Variants in ETV1 observed in about 807,000 individuals in gnomAD.
ETV1 encodes ETS translocation variant 1.
In ETV1, 27 loss-of-function variants were observed where a neutral mutation model predicts 62.3. The observed-to-expected ratio is 0.43, with a 90% CI of 0.32 to 0.60. The LOEUF is 0.60. ETV1 is among the 20% of genes least tolerant of loss of function. The pLI is 0.06. For synonymous variants in ETV1, 222 were observed against 199.6 expected, an observed-to-expected ratio of 1.11 and a Z score of -0.94; for missense variants, 605 against 605.8, an observed-to-expected ratio of 1.00 and a Z score of 0.01.
chr7:13,984,214 T>C (rs1158538160), intron 5 of ETV1, among the ~76,000 whole-genome samples: 4 of 151,982 alleles, frequency 2.6e-5, no homozygotes, highest in African/African-American at 9.7e-5. Flanking sequence ...ATGATCTTTT[T>C]TAAAAGGGTC....
chr7:13,962,709 G>A (rs1790334143), intron 6 of ETV1, among the ~76,000 whole-genome samples: 1 of 152,026 alleles, frequency 6.6e-6, no homozygotes, highest in South Asian at 2.1e-4. Flanking sequence ...CAAAGCACAA[G>A]CATAAAGATT....
chr7:13,896,756 G>GA (rs1781859890), intron 13 of ETV1, among the ~76,000 whole-genome samples: 1 of 115,472 alleles, frequency 8.7e-6, no homozygotes, highest in South Asian at 2.6e-4. Flanking sequence ...AAGAAAGAAA[G>GA]AAAGAAAGAA....
At chr7:13,986,546 T>G in intron 5 of ETV1, 92 bp downstream of exon 5, 1 of 1,583,818 alleles carries the variant, frequency 6.3e-7, no homozygotes, top group Non-Finnish European at 8.6e-7. Context: ...GCTCAATTAA[T>G]TGGGCTGAAT....
At chr7:13,957,352 C>T (rs1789606818) in intron 6 of ETV1, among the ~76,000 whole-genome samples, 1 of 152,136 alleles carries the variant, frequency 6.6e-6, no homozygotes, top group Non-Finnish European at 1.5e-5. Context: ...TCCCAAAGTG[C>T]TGGGATTACA....
chr7:13,906,356 A>T, intron 12 of ETV1, 74 bp downstream of exon 12: 1 of 973,016 alleles, frequency 1.0e-6, no homozygotes, highest in Non-Finnish European at 1.4e-6. Context: ...CATTTTTGGT[A>T]TATTAATCAA....
At chr7:13,913,878 C>CTTTTTTTT (rs544899107) in intron 9 of ETV1, among the ~76,000 whole-genome samples, 2 of 87,988 alleles carry the variant, frequency 2.3e-5, no homozygotes, top group Admixed American at 1.5e-4. Context: ...GGGGGTACCT[C>CTTTTTTTT]TTTTTTTTTT....
chr7:13,979,389 C>T lies in ETV1; in HGVS notation c.182-1909G>A, dbSNP rs545147507. Among the ~76,000 whole-genome samples, 8 of 152,088 alleles carry T rather than the reference C, an allele frequency of 5.3e-5. No individual in the cohort carries two copies. The South Asian group carries it at 1.7e-3, about 31-fold the overall frequency. ...CTTCTAATGAAGTCTACTAGAGAGG[C>T]AACGAAACAGCTAAAATCTGTACAT... On this transcript the variant is annotated intron_variant, in intron 5 of 13. Coordinates refer to ENST00000430479, the MANE Select transcript of ETV1 (RefSeq NM_004956.5).
At chr7:13,988,228 ACGCACACGCGCGCG>A in intron 3 of ETV1, 55 bp from the exon 4 acceptor site, 1 of 1,077,716 alleles carries the variant, frequency 9.3e-7, no homozygotes, top group Non-Finnish European at 1.4e-6. Flanking sequence ...GATCACACAC[ACGCACACGCGCGCG>A]CACACACACA....
chr7:13,895,874 C>G lies in ETV1; in HGVS notation c.1426G>C (p.Val476Leu), dbSNP rs767552829. The G allele has an allele frequency of 6.2e-7, 1 of 1,612,780 alleles. No individual in the cohort carries two copies. The highest frequency in any genetic ancestry group is 8.5e-7 in the Non-Finnish European group (1 of 1,179,410). ...CTTGACTGTCACTTGTGTTAATACA[C>G]GTAGCCTTCGTTGTAGGGGTGGGGG... ...CNPHPYNEGY[V>L]Y The change falls in exon 14 of 14, where the codon GTG (valine) becomes CTG (leucine). Residue 476 changes from valine (V) to leucine (L), a missense_variant. Physicochemically the swap from Val to Leu is conservative, Grantham distance 32 (BLOSUM62 1). This residue lies in a region of ETV1 where 79 missense variants were observed against 71.6 expected (regional missense o/e 1.10). Transcript: ENST00000430479.
At chr7:13,902,850 A>G (rs1452329364) in intron 12 of ETV1, among the ~76,000 whole-genome samples, 1 of 152,224 alleles carries the variant, frequency 6.6e-6, no homozygotes, top group East Asian at 1.9e-4. Context: ...AGAGTTTGAT[A>G]CTTATCATGC....
At chr7:13,909,271 C>G (rs1166552027) in intron 11 of ETV1, among the ~76,000 whole-genome samples, 2 of 152,078 alleles carry the variant, frequency 1.3e-5, no homozygotes, top group African/African-American at 4.8e-5. Context: ...TCCACAGCAG[C>G]ACGTTTTCTG....
intron 6 of ETV1, among the ~76,000 whole-genome samples, chr7:13,948,194 A>G (rs1306298912): frequency 6.6e-6 from 1 of 152,180 alleles, no homozygotes; most frequent in East Asian, 1.9e-4. Context: ...CTGATAACCA[A>G]AATGTCACAA....
chr7:13,953,358 C>T (rs770313329), intron 6 of ETV1, among the ~76,000 whole-genome samples: 3 of 152,138 alleles, frequency 2.0e-5, no homozygotes, highest in Non-Finnish European at 4.4e-5. Flanking sequence ...GAAATTGTCC[C>T]ACTTTGCTGT....
intron 6 of ETV1, among the ~76,000 whole-genome samples, chr7:13,966,012 A>G (rs1790737513): frequency 6.6e-6 from 1 of 152,214 alleles, no homozygotes; most frequent in Non-Finnish European, 1.5e-5. Flanking sequence ...AGCCAATGAA[A>G]ATAGGATTAA....
chr7:13,978,177 A>C (rs541686289), intron 5 of ETV1, among the ~76,000 whole-genome samples: 111 of 152,302 alleles, frequency 7.3e-4, no homozygotes, highest in African/African-American at 2.6e-3. Context: ...TAACAAAAAG[A>C]ATATCACTAG....
chr7:13,966,593 G>A (rs1482345665), intron 6 of ETV1, among the ~76,000 whole-genome samples: 2 of 152,130 alleles, frequency 1.3e-5, no homozygotes, highest in Admixed American at 6.6e-5. Flanking sequence ...GCTGCAGTGA[G>A]CTGAGATCAT....
At chr7:13,968,045 C>T (rs60925760) in intron 6 of ETV1, among the ~76,000 whole-genome samples, 3,849 of 152,040 alleles carry the variant, frequency 0.025, 169 homozygotes, top group African/African-American at 0.087. Flanking sequence ...TATTGTTTGG[C>T]TTATATTTCT....
chr7:13,966,000 C>G (rs200644828), intron 6 of ETV1, among the ~76,000 whole-genome samples: 1 of 152,146 alleles, frequency 6.6e-6, no homozygotes, highest in Non-Finnish European at 1.5e-5. Context: ...CCATCCTCTA[C>G]AAGCCAATGA....
chr7:13,986,743 A>G, intron 4 of ETV1, 58 bp from the exon 5 acceptor site: 1 of 1,200,560 alleles, frequency 8.3e-7, no homozygotes, highest in Non-Finnish European at 1.2e-6. Flanking sequence ...TCTTCATTAA[A>G]TGGAAATATT....
Sources: gnomAD v4.1 joint callset for allele counts (sites outside exome capture counted in the v4.1 genomes callset) on GRCh38, gnomAD v4.1.1 for gene constraint, gnomAD v4.1.1 regional missense constraint, MANE v1.5 for transcripts, NCBI Gene and HGNC (gene_info 2026-07-23, HGNC 2026-07-21) for gene names.